MAGI2: variants seen among roughly 807,000 people sequenced by gnomAD.
MAGI2 encodes the protein membrane associated guanylate kinase, WW and PDZ domain containing 2, also known as membrane-associated guanylate kinase, WW and PDZ domain-containing protein 2.
In MAGI2, 35 loss-of-function variants were observed where a neutral mutation model predicts 133.3. That is an observed-to-expected ratio of 0.26 (90% confidence interval 0.20 to 0.35). The LOEUF is 0.35. Ranked by LOEUF, MAGI2 falls within the 10% of genes least tolerant of loss-of-function variation. The probability of loss-of-function intolerance (pLI) is 1.00; values close to 1 mark genes in which losing one functional copy is unlikely to be tolerated. For synonymous variants in MAGI2, 729 were observed against 710.6 expected (o/e 1.03, Z -0.41); for missense variants, 1,636 against 1,863.4 (o/e 0.88, Z 2.25).
At chr7:78,890,191 T>G (rs550602555) in intron 2 of MAGI2, among the ~76,000 whole-genome samples, 1 of 151,848 alleles carries the variant, frequency 6.6e-6, no homozygotes, top group Non-Finnish European at 1.5e-5. Flanking sequence ...CCTAAATATA[T>G]TGGCACCCAG....
At chr7:78,228,965 A>G (rs1789683961) in intron 10 of MAGI2, among the ~76,000 whole-genome samples, 1 of 152,272 alleles carries the variant, frequency 6.6e-6, no homozygotes, top group South Asian at 2.1e-4. Context: ...AACATCTTCT[A>G]GGAAGGTGGA....
chr7:79,234,281 G>T (rs984405822), intron 1 of MAGI2, among the ~76,000 whole-genome samples: 5 of 147,976 alleles, frequency 3.4e-5, no homozygotes, highest in African/African-American at 1.3e-4. Context: ...TCTTGGAGTT[G>T]CTCTTCTCGA....
intron 4 of MAGI2, among the ~76,000 whole-genome samples, chr7:78,510,906 G>A (rs556634826): frequency 2.6e-5 from 4 of 152,246 alleles, no homozygotes; most frequent in Admixed American, 2.0e-4. Flanking sequence ...TACCCCCAGA[G>A]CAACTTTGGC....
chr7:78,450,358 A>G (rs6957462), intron 6 of MAGI2, among the ~76,000 whole-genome samples: 50,616 of 151,896 alleles, frequency 0.33, 8,623 homozygotes, highest in East Asian at 0.47. Flanking sequence ...AATAAAGGGG[A>G]AAGAAATGTC....
chr7:78,527,098 ATAATT>A (rs780353262), intron 3 of MAGI2, among the ~76,000 whole-genome samples: 8 of 152,008 alleles, frequency 5.3e-5, no homozygotes. Flanking sequence ...CCCATTGTCA[ATAATT>A]TATTTTGTAA....
intron 2 of MAGI2, among the ~76,000 whole-genome samples, chr7:78,886,257 T>C (rs555044214): frequency 6.6e-6 from 1 of 152,330 alleles, no homozygotes; most frequent in South Asian, 2.1e-4. Context: ...ATATTTTAAA[T>C]ACTGTTAATG....
intron 9 of MAGI2, among the ~76,000 whole-genome samples, chr7:78,295,018 G>C (rs1304012739): frequency 6.6e-6 from 1 of 152,044 alleles, no homozygotes; most frequent in Non-Finnish European, 1.5e-5. Flanking sequence ...TTTTATCTAT[G>C]TTGAATATCA....
At chr7:78,085,566 ACACACACAC>A (rs1412153801) in intron 20 of MAGI2, among the ~76,000 whole-genome samples, 2 of 141,662 alleles carry the variant, frequency 1.4e-5, no homozygotes, top group African/African-American at 5.9e-5. Flanking sequence ...ACACACACAC[ACACACACAC>A]ACACACAAAC....
intron 1 of MAGI2, among the ~76,000 whole-genome samples, chr7:79,343,716 A>G (rs576751228): frequency 6.6e-6 from 1 of 152,178 alleles, no homozygotes; most frequent in Non-Finnish European, 1.5e-5. Context: ...CTTATGTAAC[A>G]TTACAGGAAT....
In MAGI2 at chr7:78,536,279, A is replaced by AT. The variant is rs565011603; in HGVS notation, c.539-14635dup. Among the ~76,000 whole-genome samples, 1,064 of 149,248 alleles carry AT rather than the reference A, an allele frequency of 7.1e-3. 17 individuals carry two copies. Among genetic ancestry groups the AT allele is most frequent in the African/African-American group, 0.024 (989 of 40,430 alleles). On this transcript the variant is annotated intron_variant, in intron 3 of 21. Coordinates refer to ENST00000354212, the MANE Select transcript of MAGI2 (RefSeq NM_012301.4). ...AGGCGCCCGCCACTACGCCCGGCTAATTTTTTGTATTTTTAGTAGAGACGG... is the reference window on the plus strand; with the variant it reads ...AGGCGCCCGCCACTACGCCCGGCTAATTTTTTTGTATTTTTAGTAGAGACGG...
intron 2 of MAGI2, among the ~76,000 whole-genome samples, chr7:78,710,170 T>A (rs1241611710): frequency 2.0e-5 from 3 of 152,190 alleles, no homozygotes; most frequent in African/African-American, 7.2e-5. Context: ...CATTATTTAA[T>A]CCTTATAGCA....
intron 20 of MAGI2, among the ~76,000 whole-genome samples, chr7:78,081,336 A>G (rs1480873710): frequency 1.3e-5 from 2 of 152,230 alleles, no homozygotes; most frequent in Non-Finnish European, 2.9e-5. Flanking sequence ...CTGGGGATAT[A>G]GAGAGAAATG....
chr7:79,009,436 T>C (rs566455322), intron 1 of MAGI2, among the ~76,000 whole-genome samples: 10 of 152,188 alleles, frequency 6.6e-5, no homozygotes, highest in African/African-American at 2.4e-4. Flanking sequence ...ATCCCCTTTG[T>C]TTTGGAAGGA....
chr7:78,812,700 T>C (rs1403274792), intron 2 of MAGI2, among the ~76,000 whole-genome samples: 1 of 152,150 alleles, frequency 6.6e-6, no homozygotes, highest in Non-Finnish European at 1.5e-5. Context: ...GTGATTGTTC[T>C]AGCTCTATTC....
intron 6 of MAGI2, among the ~76,000 whole-genome samples, chr7:78,454,779 T>C (rs1281226214): frequency 1.3e-5 from 2 of 152,122 alleles, no homozygotes; most frequent in African/African-American, 4.8e-5. Flanking sequence ...GTCATAAAAG[T>C]ACCTTAAATG....
At chr7:79,370,992 G>A (rs930986756) in intron 1 of MAGI2, among the ~76,000 whole-genome samples, 6 of 151,792 alleles carry the variant, frequency 4.0e-5, no homozygotes, top group African/African-American at 1.2e-4. Context: ...TCCTTGTCTA[G>A]TCTAATCAAA....
At chr7:79,165,179 G>GTT (rs1243764460) in intron 1 of MAGI2, among the ~76,000 whole-genome samples, 4 of 139,330 alleles carry the variant, frequency 2.9e-5, no homozygotes, top group African/African-American at 1.1e-4. Context: ...TTTGTTTTTT[G>GTT]TTTTTTTTTT....
At chr7:79,039,875 T>C (rs1190118067) in intron 1 of MAGI2, among the ~76,000 whole-genome samples, 1 of 144,624 alleles carries the variant, frequency 6.9e-6, no homozygotes, top group Non-Finnish European at 1.5e-5. Context: ...ATAATATATA[T>C]GTATATATAA....
At chr7:78,750,578 T>A (rs1448501772) in intron 2 of MAGI2, among the ~76,000 whole-genome samples, 1 of 152,150 alleles carries the variant, frequency 6.6e-6, no homozygotes, top group African/African-American at 2.4e-5. Flanking sequence ...TCTTTCCAGA[T>A]CCTGCATTCT....
Sources: gnomAD v4.1 joint callset for allele counts (sites outside exome capture counted in the v4.1 genomes callset) on GRCh38, gnomAD v4.1.1 for gene constraint, MANE v1.5 for transcripts, NCBI Gene and HGNC (gene_info 2026-07-23, HGNC 2026-07-21) for gene names.